Variants in DPP6 observed in about 807,000 individuals in gnomAD.
The protein encoded by DPP6 is dipeptidyl peptidase like 6, also known as A-type potassium channel modulatory protein DPP6.
A neutral mutation model predicts 122.6 loss-of-function variants in DPP6; 69 were observed. The observed-to-expected ratio is 0.56, with a 90% CI of 0.46 to 0.69. The LOEUF (loss-of-function observed/expected upper bound fraction) is 0.69, where lower values mean the gene tolerates loss of function less well. Among genes scored for constraint, DPP6 ranks in the 30% least tolerant of loss-of-function variants. The probability of loss-of-function intolerance (pLI) is 0.00; values close to 1 mark genes in which losing one functional copy is unlikely to be tolerated. For missense variants in DPP6, 928 were observed against 1,116.9 expected, an observed-to-expected ratio of 0.83 and a Z score of 2.41; for synonymous variants, 418 against 433.1, an observed-to-expected ratio of 0.97 and a Z score of 0.43.
the DPP6 span, among the ~76,000 whole-genome samples, chr7:153,850,023 C>T: frequency 6.6e-6 from 1 of 152,238 alleles, no homozygotes; most frequent in East Asian, 1.9e-4. Flanking sequence ...TTTTGTGCCT[C>T]CTTCTCATGC....
chr7:154,176,177 T>G (rs1330270239), intron 1 of DPP6, among the ~76,000 whole-genome samples: 1 of 152,238 alleles, frequency 6.6e-6, no homozygotes, highest in Non-Finnish European at 1.5e-5. Context: ...AAGTGTGGAT[T>G]CTGAGTCCCT....
intron 8 of DPP6, among the ~76,000 whole-genome samples, chr7:154,767,035 A>G (rs1795947094): frequency 6.6e-6 from 1 of 152,220 alleles, no homozygotes; most frequent in Non-Finnish European, 1.5e-5. Flanking sequence ...TTCAAAGGAA[A>G]GAAAGAAATG....
At chr7:154,107,890 G>A (rs1328817050) in intron 1 of DPP6, among the ~76,000 whole-genome samples, 2 of 152,124 alleles carry the variant, frequency 1.3e-5, no homozygotes, top group Non-Finnish European at 2.9e-5. Flanking sequence ...AGCCTCAGGG[G>A]CCCTTCACAA....
chr7:153,898,976 A>G (rs1471179366), intron 1 of DPP6, among the ~76,000 whole-genome samples: 1 of 152,198 alleles, frequency 6.6e-6, no homozygotes, highest in African/African-American at 2.4e-5. Context: ...AGTCACCATT[A>G]TTCAAGAAGG....
intron 5 of DPP6, among the ~76,000 whole-genome samples, chr7:154,600,045 A>G (rs1833341125): frequency 6.6e-6 from 1 of 152,134 alleles, no homozygotes; most frequent in Non-Finnish European, 1.5e-5. Context: ...AAATAAAGCT[A>G]TCCTCCTGCT....
intron 1 of DPP6, among the ~76,000 whole-genome samples, chr7:154,278,581 G>A (rs1005665022): frequency 2.0e-5 from 3 of 152,222 alleles, no homozygotes; most frequent in African/African-American, 7.2e-5. Flanking sequence ...GCTATAGGTG[G>A]TGCAACTTTT....
intron 1 of DPP6, among the ~76,000 whole-genome samples, chr7:154,069,476 T>C (rs1585307896): frequency 6.6e-6 from 1 of 151,440 alleles, no homozygotes; most frequent in Middle Eastern, 3.4e-3. Flanking sequence ...GTTCAAATTA[T>C]AGTTTTAAAA....
chr7:153,881,852 C>T, the DPP6 span, among the ~76,000 whole-genome samples: 2 of 152,196 alleles, frequency 1.3e-5, no homozygotes, highest in Admixed American at 6.6e-5. Flanking sequence ...GCTGTCATCA[C>T]TTGCTTTAGC....
chr7:153,923,771 A>AAAAC (rs1375668942), intron 1 of DPP6, among the ~76,000 whole-genome samples: 1 of 150,996 alleles, frequency 6.6e-6, no homozygotes, highest in Admixed American at 6.6e-5. Flanking sequence ...AAAAAAAAAA[A>AAAAC]AAAAAAAAAA....
chr7:154,396,716 G>A (rs1266054276), intron 1 of DPP6, among the ~76,000 whole-genome samples: 3 of 152,184 alleles, frequency 2.0e-5, no homozygotes, highest in Non-Finnish European at 4.4e-5. Context: ...GGCCAAGGTG[G>A]GTGAATCACC....
At chr7:154,425,613 T>TGTGGGG (rs1554545562) in intron 1 of DPP6, among the ~76,000 whole-genome samples, 1 of 130,292 alleles carries the variant, frequency 7.7e-6, no homozygotes, top group South Asian at 2.3e-4. Context: ...AATGTGTGTG[T>TGTGGGG]GTGTGTGGGT....
intron 8 of DPP6, among the ~76,000 whole-genome samples, chr7:154,753,227 T>A (rs572588336): frequency 4.6e-5 from 7 of 152,220 alleles, no homozygotes; most frequent in African/African-American, 1.7e-4. Flanking sequence ...AATAAACGGG[T>A]GGTGCATGGA....
At chr7:153,982,350 G>A (rs1405459602) in intron 1 of DPP6, among the ~76,000 whole-genome samples, 1 of 151,440 alleles carries the variant, frequency 6.6e-6, no homozygotes, top group Non-Finnish European at 1.5e-5. Flanking sequence ...ATTGATACTT[G>A]TATATGCTTC....
chr7:154,466,045 G>A (rs1210436634), intron 2 of DPP6, among the ~76,000 whole-genome samples: 6 of 152,162 alleles, frequency 3.9e-5, no homozygotes, highest in Admixed American at 3.9e-4. Context: ...ATGAGTTCAT[G>A]TCCTTTGCAG....
intron 3 of DPP6, among the ~76,000 whole-genome samples, chr7:154,492,487 C>T (rs1183811601): frequency 6.6e-6 from 1 of 152,218 alleles, no homozygotes; most frequent in Non-Finnish European, 1.5e-5. Context: ...TTCTCCTTCT[C>T]GCCTCACCTC....
chr7:154,003,494 T>G (rs1797776175), intron 1 of DPP6, among the ~76,000 whole-genome samples: 1 of 152,258 alleles, frequency 6.6e-6, no homozygotes, highest in African/African-American at 2.4e-5. Flanking sequence ...CTGTGATTCT[T>G]TGGGGATGTC....
intron 5 of DPP6, among the ~76,000 whole-genome samples, chr7:154,585,202 CTT>C (rs1470166128): frequency 5.3e-5 from 8 of 152,240 alleles, no homozygotes; most frequent in African/African-American, 1.9e-4. Flanking sequence ...GTGGAGAAAA[CTT>C]TAGGCCTCTA....
intron 1 of DPP6, among the ~76,000 whole-genome samples, chr7:154,144,298 A>G (rs1454531096): frequency 2.0e-5 from 3 of 149,526 alleles, no homozygotes; most frequent in Admixed American, 2.0e-4. Context: ...ACTTATCTAC[A>G]TCTCTTTCTT....
intron 5 of DPP6, among the ~76,000 whole-genome samples, chr7:154,615,431 T>A (rs1359149588): frequency 6.6e-6 from 1 of 152,236 alleles, no homozygotes; most frequent in Non-Finnish European, 1.5e-5. Context: ...TCTTTCCAAA[T>A]GACTATTAAT....
Sources: allele counts gnomAD v4.1 joint callset (sites outside exome capture counted in the v4.1 genomes callset), GRCh38; gene constraint gnomAD v4.1.1; transcripts MANE v1.5; gene names NCBI Gene and HGNC (gene_info 2026-07-23, HGNC 2026-07-21).